ESR1: variants seen among roughly 807,000 people sequenced by gnomAD.
The protein encoded by ESR1 is estrogen receptor.
Under a neutral mutation model 52.7 loss-of-function variants are expected in ESR1, and 12 were observed. That is an observed-to-expected ratio of 0.23 (90% CI 0.15 to 0.37). The LOEUF is 0.37. ESR1 is among the 10% of genes least tolerant of loss of function. The pLI is 1.00. For missense variants in ESR1, 584 were observed against 779.7 expected (o/e 0.75, Z 2.99); for synonymous variants, 305 against 316.8 (o/e 0.96, Z 0.39).
At chr6:151,690,444 T>C (rs1687786031), upstream of ESR1, 1 of 152,190 alleles carries the variant, frequency 6.6e-6, no homozygotes, top group Admixed American at 6.5e-5. Context: ...CCAATCCTAG[T>C]CAAATGGTGG....
chr6:151,892,054 T>C (rs80063285), intron 3 of ESR1, among the ~76,000 whole-genome samples: 4 of 152,330 alleles, frequency 2.6e-5, no homozygotes, highest in African/African-American at 9.6e-5. Flanking sequence ...CATTCTGGTA[T>C]ATAAAAACAT....
At chr6:152,049,430 G>A (rs2046490919) in intron 5 of ESR1, among the ~76,000 whole-genome samples, 1 of 152,196 alleles carries the variant, frequency 6.6e-6, no homozygotes. Flanking sequence ...TCTTACTCCC[G>A]TGTGACAGAC....
chr6:151,794,036 C>T (rs1776455388), intron 2 of ESR1, among the ~76,000 whole-genome samples: 1 of 152,126 alleles, frequency 6.6e-6, no homozygotes, highest in Non-Finnish European at 1.5e-5. Flanking sequence ...AAATCGTGAT[C>T]GAGTGTAACA....
intron 6 of ESR1, among the ~76,000 whole-genome samples, chr6:152,084,260 C>T (rs1476536378): frequency 7.7e-5 from 10 of 130,188 alleles, no homozygotes; most frequent in East Asian, 2.4e-4. Context: ...CATCACACAC[C>T]GGGGCCTGTC....
chr6:152,056,819 T>C (rs2047143181), intron 5 of ESR1, among the ~76,000 whole-genome samples: 1 of 152,186 alleles, frequency 6.6e-6, no homozygotes. Context: ...GTCTGCTTGA[T>C]AAACTACTCC....
In ESR1 at chr6:152,053,494, G is replaced by A. The variant is rs1344190533; in HGVS notation, c.1236-7497G>A. On this transcript the variant is annotated intron_variant, in intron 5 of 7. Coordinates refer to ENST00000206249, the MANE Select transcript of ESR1 (RefSeq NM_000125.4). This position sits in a 1 kb window ranked among gnomAD's most constrained non-coding sequence, Gnocchi z 4.1. ...TCTCTCTCAATCTTTCTCTTCCTCA[G>A]TCTCTCTCCCATTCTCTTTCTCTTT... Among the ~76,000 whole-genome samples, 1 of 150,290 alleles carries A rather than the reference G, an allele frequency of 6.7e-6. No homozygotes were observed. Among genetic ancestry groups the A allele is most frequent in the Non-Finnish European group, 1.5e-5 (1 of 67,654 alleles).
chr6:151,966,834 A>G (rs1459583686), intron 4 of ESR1, among the ~76,000 whole-genome samples: 1 of 152,200 alleles, frequency 6.6e-6, no homozygotes, highest in Non-Finnish European at 1.5e-5. Context: ...ACATTTTGTT[A>G]CTGGCCTCCT....
intron 2 of ESR1, among the ~76,000 whole-genome samples, chr6:151,749,439 TC>T (rs1239186254): frequency 2.6e-5 from 4 of 152,188 alleles, no homozygotes; most frequent in African/African-American, 9.7e-5. Context: ...CAAAATCCTC[TC>T]TTCTAGTTAG....
intron 3 of ESR1, among the ~76,000 whole-genome samples, chr6:151,907,254 T>G (rs1288647510): frequency 1.3e-5 from 2 of 152,120 alleles, no homozygotes; most frequent in African/African-American, 4.8e-5. Context: ...AATCAAACTT[T>G]AATGAGATTG....
intron 3 of ESR1, among the ~76,000 whole-genome samples, chr6:151,932,921 T>G (rs2128490407): frequency 6.6e-6 from 1 of 150,406 alleles, no homozygotes; most frequent in East Asian, 2.0e-4. Context: ...GGCTTAGGAT[T>G]GACTTGGCGA....
At chr6:151,948,251 C>A (rs1362042013) in intron 4 of ESR1, among the ~76,000 whole-genome samples, 1 of 152,094 alleles carries the variant, frequency 6.6e-6, no homozygotes, top group Non-Finnish European at 1.5e-5. Flanking sequence ...ACCAAAGTGT[C>A]ATTTTGATTT....
At chr6:151,733,490 C>T (rs1782412983) in intron 2 of ESR1, among the ~76,000 whole-genome samples, 1 of 152,142 alleles carries the variant, frequency 6.6e-6, no homozygotes, top group Admixed American at 6.6e-5. Flanking sequence ...TTCTTATCTT[C>T]CTCTTCCTCC....
intron 2 of ESR1, among the ~76,000 whole-genome samples, chr6:151,779,642 A>C (rs998182542): frequency 1.3e-5 from 2 of 152,188 alleles, no homozygotes; most frequent in Non-Finnish European, 2.9e-5. Context: ...TAGAACTAGA[A>C]ATGCTATTTG....
chr6:151,809,554 A>G (rs996875311), intron 1 of ESR1, among the ~76,000 whole-genome samples: 4 of 152,102 alleles, frequency 2.6e-5, no homozygotes, highest in Non-Finnish European at 5.9e-5. Context: ...TGGTGTCCCT[A>G]TATCTTTCTG....
At chr6:151,815,654 G>A (rs1014156482) in intron 1 of ESR1, among the ~76,000 whole-genome samples, 8 of 152,158 alleles carry the variant, frequency 5.3e-5, no homozygotes, top group African/African-American at 1.9e-4. Context: ...AAGTACAGTC[G>A]GCCCTCATTA....
intron 3 of ESR1, among the ~76,000 whole-genome samples, chr6:151,899,613 G>C (rs542034720): frequency 6.6e-6 from 1 of 151,004 alleles, no homozygotes; most frequent in East Asian, 2.0e-4. Context: ...GGTGGCTGCC[G>C]GGCGGAGACG....
chr6:151,681,465 A>G (rs1778458515), intron 1 of ESR1, among the ~76,000 whole-genome samples: 2 of 151,836 alleles, frequency 1.3e-5, no homozygotes, highest in South Asian at 2.1e-4. Context: ...GTGCTCGTCA[A>G]TTCTCTAGCT....
intron 2 of ESR1, among the ~76,000 whole-genome samples, chr6:151,845,769 T>C (rs2128239486): frequency 6.6e-6 from 1 of 152,254 alleles, no homozygotes. Flanking sequence ...GAGTCCAAAG[T>C]TCTGGAAGAA....
At position 151,899,058 on chromosome 6, in the gene ESR1, C is replaced by T. The variant is rs1481202398; in HGVS notation, c.760+18287C>T. ...ACCCCCACCTCCCTCCCGGACGGGG[C>T]GGCTGGCCGGGTGGGGGGCTGACCC... On this transcript the variant is annotated intron_variant, in intron 3 of 7. Transcript: ENST00000206249. Among the ~76,000 whole-genome samples, 968 of 144,918 alleles carry T rather than the reference C, an allele frequency of 6.7e-3. 5 individuals carry two copies. The highest frequency in any genetic ancestry group is 0.011 in the Non-Finnish European group (722 of 66,082).
Sources: allele counts gnomAD v4.1 joint callset (sites outside exome capture counted in the v4.1 genomes callset), GRCh38; gene constraint gnomAD v4.1.1; non-coding constraint Gnocchi (gnomAD v3.1); transcripts MANE v1.5; gene names NCBI Gene and HGNC (gene_info 2026-07-23, HGNC 2026-07-21).